The following RGS11 variants were observed in gnomAD, a reference collection of about 807,000 sequenced individuals.
RGS11 encodes the protein regulator of G protein signaling 11, also known as regulator of G-protein signaling 11.
In RGS11, 86 loss-of-function variants were observed where a neutral mutation model predicts 71.1. The ratio of observed to expected loss-of-function variants is 1.21; its 90% confidence interval spans 1.02 to 1.45. The LOEUF (loss-of-function observed/expected upper bound fraction) is 1.45. RGS11 is among the 40% of genes most tolerant of loss of function. RGS11 has a pLI of 0.00. For missense variants in RGS11, 734 were observed against 635.1 expected, an observed-to-expected ratio of 1.16 and a Z score of -1.67; for synonymous variants, 298 against 254.2, an observed-to-expected ratio of 1.17 and a Z score of -1.64.
intron 1 of RGS11, 111 bp downstream of exon 1, chr16:275,738 G>T: frequency 5.6e-6 from 2 of 357,350 alleles, no homozygotes; most frequent in Non-Finnish European, 8.8e-6. Context: ...GCAGACCTCC[G>T]CCCCAGGCCC....
At chr16:270,406 C>T in intron 15 of RGS11, 117 bp downstream of exon 15, 1 of 1,286,734 alleles carries the variant, frequency 7.8e-7, no homozygotes, top group Non-Finnish European at 1.1e-6. Context: ...GGAAGGTGCT[C>T]CCCAGGGGCA....
Position 274,075 on chromosome 16 carries a change from G to C in RGS11, c.397C>G (p.Arg133Gly), listed in dbSNP as rs149201684. The C allele has an allele frequency of 6.4e-7, 1 of 1,551,276 alleles. No homozygotes were observed. Among genetic ancestry groups the C allele is most frequent in the East Asian group, 2.4e-5 (1 of 40,934 alleles). The change falls in exon 6 of 17, where the codon CGA becomes GGA. Residue 133 changes from arginine to glycine, a missense_variant. Transcript: ENST00000397770. Reference sequence around the variant, plus strand: ...TAATCCACCAGGGTCCCCCGTTTTCGGATGTTCTTCTTGGCCAGGTAGATG... The same window carrying C: ...TAATCCACCAGGGTCCCCCGTTTTCCGATGTTCTTCTTGGCCAGGTAGATG... The part of the protein sequence containing the change: ...YAIYLAKKNI[R>G]KRGTLVDYEK...
In RGS11 at chr16:268,495, T is replaced by G; in HGVS notation, c.*774A>C. 6 of 514,212 alleles carry G rather than the reference T, an allele frequency of 1.2e-5. No individual in the cohort carries two copies. Among genetic ancestry groups the G allele is most frequent in the Admixed American group, 3.2e-5 (1 of 31,040 alleles). The allele number at this position is 514,212 out of a possible 1,614,324, so 31.9% of individuals were successfully genotyped here. ...GGGGACTGGTGAGGCACTTGGGGGATGGGGAGCAAGGCCAGCTCACGAAGG... is the reference window on the plus strand; with the variant it reads ...GGGGACTGGTGAGGCACTTGGGGGAGGGGGAGCAAGGCCAGCTCACGAAGG... On this transcript the variant is annotated 3_prime_UTR_variant, in exon 17 of 17. Transcript: ENST00000397770.
intron 12 of RGS11, 28 bp from the exon 13 acceptor site, chr16:271,127 G>GGGT (rs1231124493): frequency 6.2e-7 from 1 of 1,603,996 alleles, no homozygotes. Context: ...CTGTTGGGGA[G>GGGT]GGTGGGGACT....
Position 268,473 on chromosome 16 carries a change from G to A in RGS11, c.*796C>T, listed in dbSNP as rs903206343. 4.1e-6 allele frequency: 2 copies of A among 486,662 alleles called. No homozygotes were observed. The highest frequency in any genetic ancestry group is 2.2e-5 in the South Asian group (1 of 45,728). The allele number at this position is 486,662 out of a possible 1,614,324, so 30.1% of individuals were successfully genotyped here. A position where few individuals can be genotyped will look rare whatever the true frequency, so the allele number is the denominator to read the frequency against. ...AGCTGTACCTTCACCCAGTCTGGGGGACTGGTGAGGCACTTGGGGGATGGG... is the reference window on the plus strand; with the variant it reads ...AGCTGTACCTTCACCCAGTCTGGGGAACTGGTGAGGCACTTGGGGGATGGG... On this transcript the variant is annotated 3_prime_UTR_variant, in exon 17 of 17. Transcript: ENST00000397770.
rs2051792436 is a variant in RGS11 at position 268,945 on chromosome 16, T to G, written c.*324A>C. On this transcript the variant is annotated 3_prime_UTR_variant, in exon 17 of 17. Coordinates refer to ENST00000397770, the MANE Select transcript of RGS11 (RefSeq NM_183337.3). ...TTTAGAGATGGGGATGGGCACCCAG[T>G]GCTGGACTGAAGACCAGAGAAGGTG... 1.9e-6 allele frequency: 3 copies of G among 1,550,370 alleles called. No individual in the cohort carries two copies. The highest frequency in any genetic ancestry group is 1.7e-6 in the Non-Finnish European group (2 of 1,146,840).
intron 3 of RGS11, 51 bp from the exon 4 acceptor site, chr16:275,133 G>C: frequency 2.0e-6 from 3 of 1,500,914 alleles, no homozygotes; most frequent in Non-Finnish European, 2.7e-6. Flanking sequence ...GGGCGAGGGC[G>C]GGACGAGCCG....
chr16:271,148 C>A (rs111665551), intron 12 of RGS11, 49 bp from the exon 13 acceptor site: 1 of 1,598,626 alleles, frequency 6.3e-7, no homozygotes, highest in African/African-American at 1.3e-5. Flanking sequence ...GACCCTCCTG[C>A]GTCCCCCCAG....
chr16:274,940 G>A, intron 4 of RGS11, 36 bp downstream of exon 4: 3 of 1,542,184 alleles, frequency 1.9e-6, no homozygotes, highest in Non-Finnish European at 2.6e-6. Context: ...GGGGGTGGGG[G>A]TCCCACCGGC....
rs1332382377 is a variant in RGS11 at position 268,862 on chromosome 16, T to G, written c.*407A>C. 6 of 1,550,250 alleles carry G rather than the reference T, an allele frequency of 3.9e-6. No homozygotes were observed. The South Asian group carries it at 7.1e-5, about 18-fold the overall frequency. The stretch of plus-strand genomic sequence containing the variant: ...ATGTCCGCGTCTTGTGACGGGTGTG[T>G]GGGAAGCCGCCCGCCTGTGCATCTT... On this transcript the variant is annotated 3_prime_UTR_variant, in exon 17 of 17. Coordinates refer to ENST00000397770, the MANE Select transcript of RGS11 (RefSeq NM_183337.3).
chr16:272,960 G>A lies in RGS11; in HGVS notation c.589-29C>T, dbSNP rs2052004377. On this transcript the variant is annotated intron_variant, in intron 8 of 16. Coordinates refer to ENST00000397770, the MANE Select transcript of RGS11 (RefSeq NM_183337.3). The stretch of plus-strand genomic sequence containing the variant: ...CGGAGGGGAGACGAGATGAGGTGGG[G>A]ATGCAGTTCCGGTGGCTGACCCCCT... 4.1e-6 allele frequency: 6 copies of A among 1,472,258 alleles called. No individual in the cohort carries two copies. In the South Asian group the frequency reaches 6.8e-5, roughly 17 times the overall value. 91.2% of individuals were successfully genotyped at this position (1,472,258 alleles called of 1,614,324 possible).
chr16:273,535 C>G lies in RGS11; in HGVS notation c.528G>C (p.Lys176Asn). 1 of 1,560,292 alleles carries G rather than the reference C, an allele frequency of 6.4e-7. No homozygotes were observed. Among genetic ancestry groups the G allele is most frequent in the Non-Finnish European group, 8.7e-7 (1 of 1,152,392 alleles). ...EQLRAAKQRS[K>N]GDRLVIACQE... is the part of the protein sequence containing the mutation. ...GGCACGCAATGACCAGCCTGTCCCC[C>G]TTGCTGCGCTGCTTGGCTGCCCTGG... The change falls in exon 8 of 17, where the codon AAG (lysine) becomes AAC (asparagine). Residue 176 changes from lysine (K) to asparagine (N), a missense_variant. Coordinates refer to ENST00000397770, the MANE Select transcript of RGS11 (RefSeq NM_183337.3).
chr16:273,822 C>T lies in RGS11; in HGVS notation c.444G>A (p.Arg148=), dbSNP rs773546400. The T allele has an allele frequency of 5.6e-6, 9 of 1,613,292 alleles. No individual in the cohort carries two copies. Among genetic ancestry groups the T allele is most frequent in the Admixed American group, 5.0e-5 (3 of 60,012 alleles). ...ATGCGTGGTTGATCTTCTTGTGTAG[C>T]CGGTCATAGCAGTCCTGGGGGCAGC... The part of the protein sequence containing the change: ...LVDYEKDCYD[R]LHKKINHAWD... Residue 148 remains arginine, a synonymous_variant, in exon 7 of 17, where the codon CGG becomes CGA. Transcript: ENST00000397770.
At chr16:274,470 C>T (rs751980795) in intron 4 of RGS11, 6 of 618,444 alleles carry the variant, frequency 9.7e-6, no homozygotes, top group Non-Finnish European at 1.7e-5. Context: ...CCTTAGGGCC[C>T]TGTTCAGACA....
chr16:274,639 C>A, intron 4 of RGS11: 1 of 640,020 alleles, frequency 1.6e-6, no homozygotes, highest in South Asian at 1.6e-5. Context: ...GGCAGGAATG[C>A]TGTCCTCAGG....
rs145594617 is a variant in RGS11, at chr16:269,351, G to C, written c.1322C>G (p.Ser441Trp). The change falls in exon 17 of 17, where the codon TCG becomes TGG. Residue 441 changes from serine to tryptophan, a missense_variant. Ser to Trp is a radical substitution (Grantham distance 177, BLOSUM62 -3). Transcript: ENST00000397770. ...GGGAAGGAGTGCAGGGCTGGGGCTC[G>C]AGTGCCGTGGCCTCCACGTAAACGG... ...VFPFTWRPRHSSPSPALLPTP... is the reference protein window; with the variant it reads ...VFPFTWRPRHWSPSPALLPTP... 1.9e-6 allele frequency: 3 copies of C among 1,603,444 alleles called. No individual in the cohort carries two copies. The highest frequency in any genetic ancestry group is 1.3e-5 in the African/African-American group (1 of 74,964).
rs1430365911 is a variant in RGS11, at chr16:275,419, A to ATG, written c.141_142dup (p.Ile48ThrfsTer6). The ATG allele has an allele frequency of 3.1e-6, 5 of 1,604,374 alleles. No homozygotes were observed. The Admixed American group carries it at 8.4e-5, about 27-fold the overall frequency. On this transcript the variant is annotated frameshift_variant, in exon 2 of 17. Coordinates refer to ENST00000397770, the MANE Select transcript of RGS11 (RefSeq NM_183337.3). LOFTEE classifies it high-confidence loss of function. ...CGCCTCACCTGTCACCGCGTGGGGA[A>ATG]TGACGGTGACCAGCAGGCGCTGGCT...
intron 13 of RGS11, 76 bp from the exon 14 acceptor site, chr16:270,907 G>A: frequency 6.3e-7 from 1 of 1,575,288 alleles, no homozygotes; most frequent in Admixed American, 1.8e-5. Context: ...CCAGGGAGCT[G>A]GTGGAAACCG....
Position 275,874 on chromosome 16 carries a change from C to CG in RGS11, c.37dup (p.Arg13ProfsTer81). The CG allele has an allele frequency of 4.1e-6, 4 of 964,532 alleles. No homozygotes were observed. The highest frequency in any genetic ancestry group is 5.1e-6 in the Non-Finnish European group (4 of 789,760). 59.7% of individuals were successfully genotyped at this position (964,532 alleles called of 1,614,324 possible). A position where few individuals can be genotyped will look rare whatever the true frequency, so the allele number is the denominator to read the frequency against. ...CTTCCTCAGATGCGGCATCTGCGCCCGGGGGCGGCCGGGGGGCGGCGCGGG... is the reference window on the plus strand; with the variant it reads ...CTTCCTCAGATGCGGCATCTGCGCCCGGGGGGCGGCCGGGGGGCGGCGCGGG... On this transcript the variant is annotated frameshift_variant, in exon 1 of 17. Coordinates refer to ENST00000397770, the MANE Select transcript of RGS11 (RefSeq NM_183337.3). LOFTEE classifies it high-confidence loss of function.
Sources: gnomAD v4.1 joint callset for allele counts on GRCh38, gnomAD v4.1.1 for gene constraint, MANE v1.5 for transcripts, NCBI Gene and HGNC (gene_info 2026-07-23, HGNC 2026-07-21) for gene names.